Variants in WDFY4 observed in about 807,000 individuals in gnomAD.
WDFY4 encodes the protein WDFY family member 4, also known as WD repeat- and FYVE domain-containing protein 4.
A neutral mutation model predicts 351.9 loss-of-function variants in WDFY4; 169 were observed. The ratio of observed to expected loss-of-function variants is 0.48; its 90% confidence interval spans 0.42 to 0.55. The LOEUF is 0.55. Among genes scored for constraint, WDFY4 ranks in the 20% least tolerant of loss-of-function variants. The pLI is 0.00. For missense variants in WDFY4, 3,803 were observed against 3,935.6 expected (o/e 0.97, Z 0.90); for synonymous variants, 1,622 against 1,574.6 (o/e 1.03, Z -0.71).
At chr10:48,697,280 A>T (rs2132121370) in intron 1 of WDFY4, among the ~76,000 whole-genome samples, 1 of 152,248 alleles carries the variant, frequency 6.6e-6, no homozygotes, top group Non-Finnish European at 1.5e-5. Context: ...TCCCTTCCCG[A>T]CCTGCTTTGT....
At chr10:48,899,777 G>A (rs372325027) in intron 45 of WDFY4, among the ~76,000 whole-genome samples, 182 of 152,220 alleles carry the variant, frequency 1.2e-3, no homozygotes, top group African/African-American at 3.9e-3. Flanking sequence ...AAATGGCCTC[G>A]GCAGGGGACC....
rs1230749454 is a variant in WDFY4, at chr10:48,827,652, CT to C, written c.6221+746del. On this transcript the variant is annotated intron_variant, in intron 36 of 61. Transcript: ENST00000325239. The stretch of plus-strand genomic sequence containing the variant: ...GGAGAGAGGACAATGGGATATCACA[CT>C]TTGCTGTTGTCCTTTTTCTTCATTT... Among the ~76,000 whole-genome samples, 5 of 150,374 alleles carry C rather than the reference CT, an allele frequency of 3.3e-5. No homozygotes were observed. In the East Asian group the frequency reaches 1.0e-3, roughly 30 times the overall value.
intron 2 of WDFY4, among the ~76,000 whole-genome samples, chr10:48,710,706 A>T (rs1718437690): frequency 6.6e-6 from 1 of 152,236 alleles, no homozygotes; most frequent in Non-Finnish European, 1.5e-5. Context: ...AATATCTTGC[A>T]TCAAATTGTG....
intron 1 of WDFY4, among the ~76,000 whole-genome samples, chr10:48,708,635 T>G (rs908348272): frequency 1.6e-4 from 24 of 152,338 alleles, no homozygotes; most frequent in African/African-American, 5.8e-4. Flanking sequence ...TTTGAAGGTG[T>G]GTACCTTTGG....
rs2064906922 is a variant in WDFY4 at position 48,743,183 on chromosome 10, T to C, written c.2094T>C (p.Asn698=). The change falls in exon 12 of 62, where the codon AAT becomes AAC. Residue 698 remains asparagine, a synonymous_variant. Transcript: ENST00000325239. ...VSAALHWDPV[N]GYFFRRNGLF... ...CAGCGCTGCACTGGGACCCTGTCAA[T>C]GGCTACTTCTTCAGGAGGAATGGGC... The C allele has an allele frequency of 6.4e-7, 1 of 1,551,716 alleles. No individual in the cohort carries two copies. Among genetic ancestry groups the C allele is most frequent in the Non-Finnish European group, 8.7e-7 (1 of 1,146,986 alleles).
chr10:48,745,195 T>C (rs1359259007), intron 12 of WDFY4, among the ~76,000 whole-genome samples: 3 of 152,236 alleles, frequency 2.0e-5, no homozygotes, highest in African/African-American at 7.2e-5. Context: ...AGTTGACTCT[T>C]ATGTGTTTGA....
intron 39 of WDFY4, among the ~76,000 whole-genome samples, chr10:48,851,697 C>T (rs1205192472): frequency 6.6e-6 from 1 of 152,242 alleles, no homozygotes; most frequent in African/African-American, 2.4e-5. Context: ...TAATGACTGT[C>T]ATCAGTGGTT....
chr10:48,830,022 G>T (rs2068135156), intron 37 of WDFY4, among the ~76,000 whole-genome samples: 1 of 152,186 alleles, frequency 6.6e-6, no homozygotes, highest in South Asian at 2.1e-4. Flanking sequence ...CATTCCCTTA[G>T]GGTGAGAGAA....
intron 1 of WDFY4, among the ~76,000 whole-genome samples, chr10:48,695,022 G>A (rs529661484): frequency 6.6e-6 from 1 of 152,290 alleles, no homozygotes; most frequent in Admixed American, 6.5e-5. Flanking sequence ...CCTGCTCCTT[G>A]CATGTTTAAT....
chr10:48,827,013 A>C (rs750429150), intron 36 of WDFY4, 104 bp downstream of exon 36: 17 of 954,870 alleles, frequency 1.8e-5, no homozygotes, highest in Admixed American at 2.7e-5. Context: ...AAATGATATC[A>C]TCCTTTTGTT....
chr10:48,805,543 T>G (rs984582249), intron 26 of WDFY4, 122 bp downstream of exon 26: 1 of 1,365,468 alleles, frequency 7.3e-7, no homozygotes, highest in Non-Finnish European at 9.7e-7. Flanking sequence ...TTCTAGGAAT[T>G]TTTGCCCAGG....
At chr10:48,774,151 C>T (rs926011235) in intron 13 of WDFY4, among the ~76,000 whole-genome samples, 53 of 152,236 alleles carry the variant, frequency 3.5e-4, no homozygotes, top group Non-Finnish European at 2.6e-4. Flanking sequence ...AAACACAGCA[C>T]GTCTAAGAGG....
At chr10:48,892,579 A>C (rs1408273718) in intron 44 of WDFY4, among the ~76,000 whole-genome samples, 1 of 152,238 alleles carries the variant, frequency 6.6e-6, no homozygotes, top group African/African-American at 2.4e-5. Context: ...CTGGAGATGC[A>C]GTTCTGAGAC....
intron 12 of WDFY4, among the ~76,000 whole-genome samples, chr10:48,743,948 GTGAGA>G (rs980907205): frequency 6.6e-6 from 1 of 152,140 alleles, no homozygotes; most frequent in African/African-American, 2.4e-5. Flanking sequence ...CAGGGGTGGG[GTGAGA>G]TCCTTTGATC....
intron 39 of WDFY4, among the ~76,000 whole-genome samples, chr10:48,837,964 G>A (rs754682288): frequency 1.8e-4 from 28 of 152,200 alleles, no homozygotes; most frequent in African/African-American, 5.3e-4. Flanking sequence ...GGATTCACAC[G>A]GAGGAGGGCA....
intron 39 of WDFY4, among the ~76,000 whole-genome samples, chr10:48,852,717 C>G (rs2133183196): frequency 6.6e-6 from 1 of 152,298 alleles, no homozygotes; most frequent in Admixed American, 6.5e-5. Context: ...TTCAAGCCCT[C>G]CCTACAAGCT....
At position 48,760,545 on chromosome 10, in the gene WDFY4, C is replaced by T. The variant is rs2065471575; in HGVS notation, c.2553+105C>T. On this transcript the variant is annotated intron_variant, in intron 13 of 61. Coordinates refer to ENST00000325239, the MANE Select transcript of WDFY4 (RefSeq NM_001394531.1). ...TTTCCTTTTGTCCGTGTCTTCAGTG[C>T]CCTGCGTTAGCAGAGCTCCCCATGG... 11 of 1,136,826 alleles carry T rather than the reference C, an allele frequency of 9.7e-6. No homozygotes were observed. In the South Asian group the frequency reaches 1.6e-4, roughly 16 times the overall value. 70.4% of individuals were successfully genotyped at this position (1,136,826 alleles called of 1,614,324 possible).
intron 1 of WDFY4, among the ~76,000 whole-genome samples, chr10:48,706,263 A>G (rs1422141936): frequency 2.6e-5 from 4 of 152,206 alleles, no homozygotes; most frequent in Non-Finnish European, 4.4e-5. Context: ...AGCCCCTGCT[A>G]TGGACATAAC....
At chr10:48,789,307 A>G (rs2066600234) in intron 21 of WDFY4, among the ~76,000 whole-genome samples, 1 of 152,240 alleles carries the variant, frequency 6.6e-6, no homozygotes, top group Non-Finnish European at 1.5e-5. Context: ...TTTGCTTAGC[A>G]CTGATGAAAA....
Sources: gnomAD v4.1 joint callset for allele counts (sites outside exome capture counted in the v4.1 genomes callset) on GRCh38, gnomAD v4.1.1 for gene constraint, MANE v1.5 for transcripts, NCBI Gene and HGNC (gene_info 2026-07-23, HGNC 2026-07-21) for gene names.